Variants in PROM1 observed in about 807,000 individuals in gnomAD.
PROM1 encodes the protein prominin 1.
PROM1 carries 105 observed loss-of-function variants against 116.9 expected under a neutral mutation model. That is an observed-to-expected ratio of 0.90 (90% CI 0.77 to 1.06). PROM1 has a LOEUF of 1.06. PROM1 is among the 50% of genes least tolerant of loss of function. The probability of loss-of-function intolerance (pLI) is 0.00; values close to 1 mark genes in which losing one functional copy is unlikely to be tolerated. For missense variants in PROM1, 1,122 were observed against 1,045.2 expected, an observed-to-expected ratio of 1.07 and a Z score of -1.01; for synonymous variants, 393 against 387.0, an observed-to-expected ratio of 1.02 and a Z score of -0.18.
intron 26 of PROM1, among the ~76,000 whole-genome samples, chr4:15,973,492 C>T (rs889765134): frequency 6.6e-6 from 1 of 152,164 alleles, no homozygotes; most frequent in Non-Finnish European, 1.5e-5. Context: ...GCACAATGAA[C>T]ACCATCTACA....
intron 9 of PROM1, among the ~76,000 whole-genome samples, chr4:16,016,978 T>C (rs766233118): frequency 1.4e-4 from 21 of 152,186 alleles, no homozygotes; most frequent in Non-Finnish European, 2.6e-4. Flanking sequence ...AAGGCATTTC[T>C]GGAAAGATCA....
rs145825010 is a variant in PROM1 at position 16,069,320 on chromosome 4, G to A, written c.220+6367C>T. Reference sequence around the variant, plus strand: ...ATAGGAAACTAACAACAGAGGAGACGTATTTCCTTGTTTGTTCCATTAGAA... The same window carrying A: ...ATAGGAAACTAACAACAGAGGAGACATATTTCCTTGTTTGTTCCATTAGAA... On this transcript the variant is annotated intron_variant, in intron 2 of 27. Coordinates refer to ENST00000447510, the MANE Select transcript of PROM1 (RefSeq NM_006017.3). 2.2e-4 allele frequency among the ~76,000 whole-genome samples: 33 copies of A among 152,314 alleles called. No individual in the cohort carries two copies. In the East Asian group the frequency reaches 5.0e-3, roughly 23 times the overall value.
At chr4:16,025,337 A>C (rs1348712038) in intron 5 of PROM1, 25 bp from the exon 6 acceptor site, 2 of 1,612,446 alleles carry the variant, frequency 1.2e-6, no homozygotes, top group African/African-American at 2.7e-5. Flanking sequence ...AGAGAGAAGA[A>C]AGAGCATTTA....
chr4:16,066,519 C>A (rs1226066502), intron 2 of PROM1, among the ~76,000 whole-genome samples: 1 of 152,170 alleles, frequency 6.6e-6, no homozygotes, highest in East Asian at 1.9e-4. Context: ...CAAATCTAGG[C>A]AGTGACTCCA....
intron 23 of PROM1, 142 bp from the exon 24 acceptor site, chr4:15,980,679 A>G (rs1717631851): frequency 1.6e-6 from 1 of 644,252 alleles, no homozygotes; most frequent in African/African-American, 1.9e-5. Context: ...ACAATTTGAG[A>G]ATGTCATGTG....
intron 5 of PROM1, among the ~76,000 whole-genome samples, chr4:16,032,274 C>T (rs942600110): frequency 6.6e-6 from 1 of 152,090 alleles, no homozygotes; most frequent in Non-Finnish European, 1.5e-5. Context: ...AATGGGTACA[C>T]TGCATTCCAA....
At chr4:16,016,562 T>C (rs929309866) in intron 9 of PROM1, among the ~76,000 whole-genome samples, 5 of 152,202 alleles carry the variant, frequency 3.3e-5, no homozygotes, top group African/African-American at 1.2e-4. Context: ...AAACAACCTT[T>C]TTAAAGTCAC....
At position 15,969,024 on chromosome 4, in the gene PROM1, A is replaced by G. The variant is rs958840651; in HGVS notation, c.*369T>C. On this transcript the variant is annotated 3_prime_UTR_variant, in exon 28 of 28. Transcript: ENST00000447510. Reference sequence around the variant, plus strand: ...TTCAGCACACTCCACACATGGCAATATGTTAGAATCTAGCCATCACATTTG... The same window carrying G: ...TTCAGCACACTCCACACATGGCAATGTGTTAGAATCTAGCCATCACATTTG... The G allele has an allele frequency of 1.3e-5, 2 of 152,244 alleles. No individual in the cohort carries two copies. Among genetic ancestry groups the G allele is most frequent in the East Asian group, 3.8e-4 (2 of 5,202 alleles). 9.4% of individuals were successfully genotyped at this position (152,244 alleles called of 1,614,324 possible).
chr4:16,033,485 T>C lies in PROM1; in HGVS notation c.328A>G (p.Ile110Val). ...AGCAGCCCCAGGACACAGCATAGAA[T>C]AATCCCTGCTTCATAGTAGACAATC... ...LKIVYYEAGIILCCVLGLLFI... is the reference protein window; with the variant it reads ...LKIVYYEAGIVLCCVLGLLFI... Residue 110 changes from isoleucine (I) to valine (V), a missense_variant, in exon 5 of 28, where the codon ATT becomes GTT. By Grantham distance (29) the Ile-to-Val change is conservative. Coordinates refer to ENST00000447510, the MANE Select transcript of PROM1 (RefSeq NM_006017.3). 6.2e-7 allele frequency: 1 copy of C among 1,605,256 alleles called. No homozygotes were observed. The highest frequency in any genetic ancestry group is 8.5e-7 in the Non-Finnish European group (1 of 1,175,476).
chr4:16,036,260 T>C (rs1340529484), intron 3 of PROM1, among the ~76,000 whole-genome samples: 1 of 152,216 alleles, frequency 6.6e-6, no homozygotes, highest in East Asian at 1.9e-4. Flanking sequence ...TAAATGTCCT[T>C]TCGTGGCAAA....
chr4:16,002,498 C>A (rs1301641111), intron 13 of PROM1, among the ~76,000 whole-genome samples: 1 of 152,086 alleles, frequency 6.6e-6, no homozygotes, highest in Non-Finnish European at 1.5e-5. Flanking sequence ...CCACAGCATC[C>A]CCTCCTAAGG....
intron 1 of PROM1, 26 bp downstream of exon 1, chr4:16,083,952 G>A (rs951464762): frequency 1.3e-5 from 2 of 152,280 alleles, no homozygotes; most frequent in Admixed American, 1.3e-4. Context: ...CCGCCGTAAT[G>A]GAAAGGATTC....
chr4:16,042,185 G>T (rs1209563157), intron 2 of PROM1, among the ~76,000 whole-genome samples: 1 of 152,162 alleles, frequency 6.6e-6, no homozygotes, highest in Non-Finnish European at 1.5e-5. Context: ...TGTTGCCAAT[G>T]ATAAAACTAG....
At chr4:16,004,826 T>TC (rs1560459806) in intron 13 of PROM1, among the ~76,000 whole-genome samples, 1,235 of 118,662 alleles carry the variant, frequency 0.01, 29 homozygotes, top group African/African-American at 0.035. Context: ...TTTCTTTCTT[T>TC]CTTTTTCTTC....
Position 15,980,946 on chromosome 4 carries a change from G to GTTAT in PROM1, c.2374-413_2374-410dup, listed in dbSNP as rs59408018. On this transcript the variant is annotated intron_variant, in intron 23 of 27. Coordinates refer to ENST00000447510, the MANE Select transcript of PROM1 (RefSeq NM_006017.3). Reference sequence around the variant, plus strand: ...TGAGTTTCAGTCCCTCTTATGAGTTGTTATTTATTTATTTATTTATTTATT... The same window carrying GTTAT: ...TGAGTTTCAGTCCCTCTTATGAGTTGTTATTTATTTATTTATTTATTTATTTATT... Among the ~76,000 whole-genome samples the GTTAT allele has an allele frequency of 6.1e-3, 885 of 145,212 alleles. 4 individuals carry two copies. Among genetic ancestry groups the GTTAT allele is most frequent in the East Asian group, 0.014 (67 of 4,888 alleles).
intron 17 of PROM1, among the ~76,000 whole-genome samples, chr4:15,991,779 A>G (rs1721057401): frequency 6.6e-6 from 1 of 151,746 alleles, no homozygotes; most frequent in South Asian, 2.1e-4. Context: ...CTAAAAATAC[A>G]AAAAAAGTTA....
chr4:16,025,223 T>A lies in PROM1; in HGVS notation c.599A>T (p.Asp200Val), dbSNP rs765051915. The change falls in exon 6 of 28, where the codon GAC (aspartate) becomes GTC (valine). Residue 200 changes from aspartate (D) to valine (V), a missense_variant. By Grantham distance (152) the Asp-to-Val change is radical (BLOSUM62 -3). Transcript: ENST00000447510. Reference sequence around the variant, plus strand: ...AGTTTCATTCAAGAGAGTTCGCAAGTCCTTGAAATTGCTATCTGCCAGTTT... The same window carrying A: ...AGTTTCATTCAAGAGAGTTCGCAAGACCTTGAAATTGCTATCTGCCAGTTT... ...SRKLADSNFKDLRTLLNETPE... is the reference protein window; with the variant it reads ...SRKLADSNFKVLRTLLNETPE... The A allele has an allele frequency of 1.2e-6, 2 of 1,613,928 alleles. No homozygotes were observed. Among genetic ancestry groups the A allele is most frequent in the African/African-American group, 1.3e-5 (1 of 75,054 alleles).
chr4:15,988,180 A>G (rs574150253), intron 19 of PROM1, among the ~76,000 whole-genome samples: 1 of 152,244 alleles, frequency 6.6e-6, no homozygotes, highest in South Asian at 2.1e-4. Flanking sequence ...CTGGCCAACA[A>G]TGTGTACTTT....
chr4:15,992,449 A>G, intron 16 of PROM1, 58 bp from the exon 17 acceptor site: 1 of 1,570,216 alleles, frequency 6.4e-7, no homozygotes, highest in Non-Finnish European at 8.7e-7. Context: ...TCACAAACCA[A>G]ATGCTTTAAA....
Sources: allele counts gnomAD v4.1 joint callset (sites outside exome capture counted in the v4.1 genomes callset), GRCh38; gene constraint gnomAD v4.1.1; transcripts MANE v1.5; gene names NCBI Gene and HGNC (gene_info 2026-07-23, HGNC 2026-07-21).